WDR64: variants seen among roughly 807,000 people sequenced by gnomAD.
The protein encoded by WDR64 is WD repeat domain 64, also known as WD repeat-containing protein 64.
In WDR64, 112 loss-of-function variants were observed where a neutral mutation model predicts 139.3. That is an observed-to-expected ratio of 0.80 (90% confidence interval 0.69 to 0.94). The LOEUF is 0.94. Ranked by LOEUF, WDR64 falls within the 40% of genes least tolerant of loss-of-function variation. The pLI, the probability that WDR64 is intolerant of heterozygous loss-of-function variation, is 0.00. For synonymous variants in WDR64, 444 were observed against 437.7 expected, an observed-to-expected ratio of 1.01 and a Z score of -0.18; for missense variants, 1,206 against 1,293.1, an observed-to-expected ratio of 0.93 and a Z score of 1.03.
intron 8 of WDR64, among the ~76,000 whole-genome samples, chr1:241,708,903 A>G (rs75318561): frequency 0.056 from 8,531 of 152,048 alleles, 796 homozygotes; most frequent in African/African-American, 0.2. Context: ...GAACGACTGC[A>G]CTAAGGTCTT....
intron 7 of WDR64, among the ~76,000 whole-genome samples, 163 bp downstream of exon 7, chr1:241,683,864 TACACACACACAC>T (rs11473073): frequency 6.9e-6 from 1 of 145,476 alleles, no homozygotes; most frequent in Admixed American, 6.9e-5. Flanking sequence ...TGTTCATGTA[TACACACACACAC>T]ACACACACAC....
At chr1:241,796,105 T>A (rs1215360164) in intron 26 of WDR64, 152 bp from the exon 27 acceptor site, 3 of 414,914 alleles carry the variant, frequency 7.2e-6, no homozygotes, top group Non-Finnish European at 1.3e-5. Context: ...AAAAATAAAA[T>A]AAAATAAAGA....
chr1:241,733,679 T>G (rs1669182207), intron 10 of WDR64, among the ~76,000 whole-genome samples: 1 of 151,028 alleles, frequency 6.6e-6, no homozygotes, highest in African/African-American at 2.4e-5. Context: ...AATATTTAAT[T>G]TATAACTTAT....
At chr1:241,700,699 T>C (rs1422664468) in intron 8 of WDR64, among the ~76,000 whole-genome samples, 1 of 152,200 alleles carries the variant, frequency 6.6e-6, no homozygotes, top group Non-Finnish European at 1.5e-5. Flanking sequence ...ACTGAAGTTA[T>C]TTGAACCTCA....
intron 15 of WDR64, among the ~76,000 whole-genome samples, chr1:241,760,763 T>G (rs1670400439): frequency 7.4e-6 from 1 of 135,472 alleles, no homozygotes; most frequent in Non-Finnish European, 1.6e-5. Flanking sequence ...GTTTCCATTT[T>G]TTTTTTTTTT....
At chr1:241,675,234 CTCCTTCCTCCCTCCT>C (rs1411042391) in intron 4 of WDR64, among the ~76,000 whole-genome samples, 37 of 80,116 alleles carry the variant, frequency 4.6e-4, no homozygotes, top group South Asian at 2.7e-3. Flanking sequence ...TCCTTCCTCC[CTCCTTCCTCCCTCCT>C]TCCTTCCTCC....
intron 2 of WDR64, among the ~76,000 whole-genome samples, chr1:241,663,228 C>T (rs1665898840): frequency 2.0e-5 from 3 of 152,184 alleles, no homozygotes; most frequent in South Asian, 2.1e-4. Flanking sequence ...CAACTGTTCC[C>T]GAATTGACTT....
intron 11 of WDR64, among the ~76,000 whole-genome samples, chr1:241,738,966 T>C (rs1574057556): frequency 1.3e-5 from 2 of 152,204 alleles, no homozygotes; most frequent in South Asian, 4.1e-4. Context: ...ATGATCCTAT[T>C]TTACAGCGGC....
Position 241,757,555 on chromosome 1 carries a change from C to T in WDR64, c.1947+96C>T, listed in dbSNP as rs542254676. ...GTACAGAAAATAATACAAAGAGCTTCTATGTGTTATCACTCAGCTTCGAGA... is the reference window on the plus strand; with the variant it reads ...GTACAGAAAATAATACAAAGAGCTTTTATGTGTTATCACTCAGCTTCGAGA... On this transcript the variant is annotated intron_variant, in intron 15 of 27. Transcript: ENST00000437684. 5.4e-4 allele frequency: 626 copies of T among 1,162,674 alleles called. 2 individuals carry two copies. The Middle Eastern group carries it at 6.5e-3, about 12-fold the overall frequency. The allele number at this position is 1,162,674 out of a possible 1,614,324, so 72.0% of individuals were successfully genotyped here.
chr1:241,742,747 T>G (rs1669596682), intron 12 of WDR64, among the ~76,000 whole-genome samples: 2 of 152,176 alleles, frequency 1.3e-5, no homozygotes, highest in Non-Finnish European at 2.9e-5. Context: ...TTGCCTTGAA[T>G]TCTTTCTTGT....
rs184454751 is a variant in WDR64 at position 241,670,544 on chromosome 1, G to A, written c.277-530G>A. 1.3e-3 allele frequency among the ~76,000 whole-genome samples: 204 copies of A among 152,250 alleles called. 1 individual carries two copies. The highest frequency in any genetic ancestry group is 0.01 in the Middle Eastern group (3 of 294). Reference sequence around the variant, plus strand: ...CTATTGAAAAGAAAAATCAGTAACCGCTCAAAAATCATGCATTATCAGTAT... The same window carrying A: ...CTATTGAAAAGAAAAATCAGTAACCACTCAAAAATCATGCATTATCAGTAT... On this transcript the variant is annotated intron_variant, in intron 2 of 27. Transcript: ENST00000437684.
rs553930996 is a variant in WDR64 at position 241,674,261 on chromosome 1, CT to C, written c.380-368del. ...GGCTGTTTATCTTTTTTTTTCTTTT[CT>C]TTTTTTTTTTTTTTGAGACAGGGTC... On this transcript the variant is annotated intron_variant, in intron 3 of 27. Coordinates refer to ENST00000437684, the MANE Select transcript of WDR64 (RefSeq NM_001367482.1). Among the ~76,000 whole-genome samples the C allele has an allele frequency of 5.7e-4, 76 of 133,534 alleles. 1 individual carries two copies. The highest frequency in any genetic ancestry group is 3.2e-3 in the South Asian group (14 of 4,320). The allele number at this position is 133,534 out of a possible 152,430, so 87.6% of individuals were successfully genotyped here.
chr1:241,744,356 C>A, intron 12 of WDR64, 37 bp from the exon 13 acceptor site: 1 of 1,611,002 alleles, frequency 6.2e-7, no homozygotes, highest in South Asian at 1.1e-5. Context: ...AGGGCTTCTT[C>A]AAACGGATTA....
Position 241,660,617 on chromosome 1 carries a change from G to A in WDR64, c.233G>A (p.Arg78Lys), listed in dbSNP as rs372998330. The A allele has an allele frequency of 1.3e-6, 2 of 1,551,472 alleles. No homozygotes were observed. Among genetic ancestry groups the A allele is most frequent in the African/African-American group, 1.4e-5 (1 of 73,028 alleles). Reference sequence around the variant, plus strand: ...AATCAAGATGTGAAACGCTTTTACAGGAAACTGTGCAACAACACGGATGCA... The same window carrying A: ...AATCAAGATGTGAAACGCTTTTACAAGAAACTGTGCAACAACACGGATGCA... ...VKNQDVKRFY[R>K]KLCNNTDASA... Residue 78 changes from arginine to lysine, a missense_variant, in exon 2 of 28, where the codon AGG (arginine) becomes AAG (lysine). Physicochemically the swap from Arg to Lys is conservative, Grantham distance 26. Transcript: ENST00000437684.
chr1:241,695,303 A>T (rs957203958), intron 8 of WDR64, among the ~76,000 whole-genome samples: 3 of 152,214 alleles, frequency 2.0e-5, no homozygotes, highest in African/African-American at 7.2e-5. Context: ...TACACAGTAC[A>T]ATGGCGCACA....
At chr1:241,726,129 G>A (rs80108565) in intron 10 of WDR64, among the ~76,000 whole-genome samples, 3,606 of 151,766 alleles carry the variant, frequency 0.024, 78 homozygotes, top group Non-Finnish European at 0.037. Flanking sequence ...CGAACTTCTG[G>A]GCTCAAGTGA....
chr1:241,770,819 C>A, intron 18 of WDR64, 129 bp downstream of exon 18: 1 of 675,866 alleles, frequency 1.5e-6, no homozygotes, highest in Non-Finnish European at 2.2e-6. Context: ...TGTGTGCATG[C>A]TTATATGTAA....
intron 2 of WDR64, 149 bp downstream of exon 2, chr1:241,660,809 C>T: frequency 2.6e-6 from 2 of 765,534 alleles, no homozygotes; most frequent in East Asian, 5.4e-5. Flanking sequence ...AGGACATGGC[C>T]ACTGCCCACA....
chr1:241,729,457 T>C (rs1668990477), intron 10 of WDR64, among the ~76,000 whole-genome samples: 2 of 152,368 alleles, frequency 1.3e-5, no homozygotes, highest in East Asian at 3.9e-4. Context: ...TTATTTTTTC[T>C]AGTTCTTAAG....
Sources: gnomAD v4.1 joint callset for allele counts (sites outside exome capture counted in the v4.1 genomes callset) on GRCh38, gnomAD v4.1.1 for gene constraint, MANE v1.5 for transcripts, NCBI Gene and HGNC (gene_info 2026-07-23, HGNC 2026-07-21) for gene names.